PLCG2: variants seen among roughly 807,000 people sequenced by gnomAD.
The protein encoded by PLCG2 is phospholipase C gamma 2.
PLCG2 carries 69 observed loss-of-function variants against 175.6 expected under a neutral mutation model. The ratio of observed to expected loss-of-function variants is 0.39; its 90% CI spans 0.32 to 0.48. PLCG2 has a LOEUF of 0.48. PLCG2 is among the 20% of genes least tolerant of loss of function. PLCG2 has a pLI of 0.91. For missense variants in PLCG2, 1,798 were observed against 1,650.9 expected (o/e 1.09, Z -1.54); for synonymous variants, 827 against 624.0 (o/e 1.33, Z -4.85).
At chr16:81,930,369 CTT>C (rs1233096970) in intron 24 of PLCG2, among the ~76,000 whole-genome samples, 3 of 152,158 alleles carry the variant, frequency 2.0e-5, no homozygotes, top group Non-Finnish European at 4.4e-5. Flanking sequence ...TCTGGTGACT[CTT>C]TGGTGTTTTT....
chr16:81,783,053 A>G, intron 1 of PLCG2: 2 of 449,482 alleles, frequency 4.4e-6, no homozygotes, highest in Non-Finnish European at 8.9e-6. Context: ...ACCCTGGGGA[A>G]GGTTAAGTCC....
At chr16:81,759,463 A>G (rs1399929686) in intron 2 of PLCG2, among the ~76,000 whole-genome samples, 1 of 152,180 alleles carries the variant, frequency 6.6e-6, no homozygotes, top group Non-Finnish European at 1.5e-5. Context: ...GCAGAATTCT[A>G]AAGGTCTAAA....
rs775303395 is a variant in PLCG2, at chr16:81,786,142, G to C, written c.153G>C (p.Gln51His). 6 of 1,614,088 alleles carry C rather than the reference G, an allele frequency of 3.7e-6. No individual in the cohort carries two copies. Among genetic ancestry groups the C allele is most frequent in the Admixed American group, 1.7e-5 (1 of 60,010 alleles). ...RTVQVIMETR[Q>H]VAWSKTADKI... ...TCCAGGTGATCATGGAGACGCGGCA[G>C]GTGGCCTGGAGCAAGACCGCTGACA... The change falls in exon 2 of 33, where the codon CAG becomes CAC. Residue 51 changes from glutamine to histidine, a missense_variant. By Grantham distance (24) the Gln-to-His change is conservative. Transcript: ENST00000564138.
chr16:81,822,681 C>T (rs182422956), intron 2 of PLCG2, among the ~76,000 whole-genome samples: 2 of 131,280 alleles, frequency 1.5e-5, no homozygotes, highest in African/African-American at 2.9e-5. Context: ...CGCTTGAACC[C>T]GGGAGGTGAA....
intron 14 of PLCG2, among the ~76,000 whole-genome samples, 155 bp downstream of exon 14, chr16:81,900,935 C>T (rs140108285): frequency 6.6e-6 from 1 of 152,324 alleles, no homozygotes; most frequent in Non-Finnish European, 1.5e-5. Context: ...ACACTGTGAC[C>T]TTAGGCAAAG....
Position 81,884,242 on chromosome 16 carries a change from C to G in PLCG2, c.765+901C>G, listed in dbSNP as rs1030826972. Among the ~76,000 whole-genome samples, 6 of 151,974 alleles carry G rather than the reference C, an allele frequency of 3.9e-5. No homozygotes were observed. The South Asian group carries it at 8.3e-4, about 21-fold the overall frequency. On this transcript the variant is annotated intron_variant, in intron 9 of 32. Coordinates refer to ENST00000564138, the MANE Select transcript of PLCG2 (RefSeq NM_002661.5). ...GGTGGGTGCCTGTAATCCCAGCTAC[C>G]TGGGAGGCTGAGGCAGGAGAATGGC...
At chr16:81,877,886 C>T (rs1443922862) in intron 7 of PLCG2, among the ~76,000 whole-genome samples, 1 of 150,784 alleles carries the variant, frequency 6.6e-6, no homozygotes, top group Non-Finnish European at 1.5e-5. Flanking sequence ...TTGTAGATGT[C>T]ATTGTGCCAG....
chr16:81,874,959 T>TTTTGTTC (rs1907702170), intron 7 of PLCG2, among the ~76,000 whole-genome samples: 3 of 143,220 alleles, frequency 2.1e-5, no homozygotes, highest in Non-Finnish European at 3.0e-5. Context: ...TTTTTTTTTT[T>TTTTGTTC]TTTTTTTTTT....
intron 6 of PLCG2, among the ~76,000 whole-genome samples, chr16:81,869,554 T>G (rs1262544255): frequency 6.6e-6 from 1 of 152,196 alleles, no homozygotes. Context: ...CAGACCTGTT[T>G]TCCATTAGTC....
intron 11 of PLCG2, 92 bp from the exon 12 acceptor site, chr16:81,893,614 CGGA>C (rs908830663): frequency 4.4e-5 from 33 of 752,980 alleles, no homozygotes; most frequent in Non-Finnish European, 7.5e-5. Flanking sequence ...GCGGCTCGGG[CGGA>C]GAAGTTCCCC....
chr16:81,865,995 C>T (rs76468473), intron 5 of PLCG2, among the ~76,000 whole-genome samples: 9 of 131,116 alleles, frequency 6.9e-5, no homozygotes, highest in African/African-American at 2.7e-4. Flanking sequence ...CGTGAGAGGA[C>T]GCTGGCCTCT....
chr16:81,808,785 A>C (rs1904294051), intron 2 of PLCG2, among the ~76,000 whole-genome samples: 1 of 151,912 alleles, frequency 6.6e-6, no homozygotes, highest in African/African-American at 2.4e-5. Context: ...GAGCCACCTC[A>C]CCTGGCCACC....
At chr16:81,786,647 G>A (rs909155452) in intron 2 of PLCG2, among the ~76,000 whole-genome samples, 5 of 152,214 alleles carry the variant, frequency 3.3e-5, no homozygotes, top group African/African-American at 1.2e-4. Flanking sequence ...AGAGTGAGTT[G>A]TTGAACGTTT....
intron 2 of PLCG2, among the ~76,000 whole-genome samples, chr16:81,839,596 T>C (rs1567491821): frequency 6.6e-6 from 1 of 152,190 alleles, no homozygotes. Flanking sequence ...TAATTTTATA[T>C]AGAAAAGAAA....
intron 1 of PLCG2, 23 bp from the exon 2 acceptor site, chr16:81,785,920 A>C: frequency 7.0e-7 from 1 of 1,419,288 alleles, no homozygotes; most frequent in Non-Finnish European, 9.8e-7. Flanking sequence ...AAATCAGTTC[A>C]CTCTTTAATT....
At chr16:81,793,878 A>G (rs1274198219) in intron 2 of PLCG2, among the ~76,000 whole-genome samples, 1 of 152,192 alleles carries the variant, frequency 6.6e-6, no homozygotes, top group Non-Finnish European at 1.5e-5. Flanking sequence ...GCAGAGCTAC[A>G]ATTTGAACTT....
chr16:81,927,986 T>A (rs4243224), intron 23 of PLCG2, among the ~76,000 whole-genome samples: 1 of 151,718 alleles, frequency 6.6e-6, no homozygotes. Context: ...GGGGGTGGGG[T>A]TTGGGGTGGT....
intron 8 of PLCG2, among the ~76,000 whole-genome samples, chr16:81,882,284 C>T (rs952886676): frequency 3.9e-5 from 6 of 152,142 alleles, no homozygotes; most frequent in African/African-American, 1.2e-4. Flanking sequence ...GGAGTCCTGC[C>T]TTTATTCGGA....
intron 5 of PLCG2, among the ~76,000 whole-genome samples, chr16:81,860,788 C>T (rs1023691356): frequency 3.6e-4 from 55 of 151,960 alleles, no homozygotes; most frequent in African/African-American, 1.0e-3. Context: ...CTGGGCAACA[C>T]GGTAAAACCC....
Sources: allele counts gnomAD v4.1 joint callset (sites outside exome capture counted in the v4.1 genomes callset), GRCh38; gene constraint gnomAD v4.1.1; transcripts MANE v1.5; gene names NCBI Gene and HGNC (gene_info 2026-07-23, HGNC 2026-07-21).